Variants in NIPAL1 observed in about 807,000 individuals in gnomAD.
The protein encoded by NIPAL1 is magnesium transporter NIPA3.
In NIPAL1, 35 loss-of-function variants were observed where a neutral mutation model predicts 37.7. The ratio of observed to expected loss-of-function variants is 0.93; its 90% CI spans 0.71 to 1.23. The LOEUF is 1.23. NIPAL1 is among the 50% of genes most tolerant of loss of function. The pLI is 0.00. For missense variants in NIPAL1, 412 were observed against 473.9 expected (o/e 0.87, Z 1.21); for synonymous variants, 162 against 183.0 (o/e 0.89, Z 0.93).
rs2109375229 is a variant in NIPAL1 at position 48,038,314 on chromosome 4, G to A, written c.*2142G>A. 1 of 152,258 alleles carries A rather than the reference G, an allele frequency of 6.6e-6. No homozygotes were observed. The highest frequency in any genetic ancestry group is 1.5e-5 in the Non-Finnish European group (1 of 68,026). 9.4% of individuals were successfully genotyped at this position (152,258 alleles called of 1,614,324 possible). The stretch of plus-strand genomic sequence containing the variant: ...TGTTGATTGCTGTTTCACTTTACTT[G>A]TATATCAGATATATAAGCTATGAAC... On this transcript the variant is annotated 3_prime_UTR_variant, in exon 6 of 6. Coordinates refer to ENST00000295461, the MANE Select transcript of NIPAL1 (RefSeq NM_207330.3).
chr4:48,018,964 T>C (rs1271232202), intron 1 of NIPAL1, among the ~76,000 whole-genome samples: 1 of 152,204 alleles, frequency 6.6e-6, no homozygotes, highest in Non-Finnish European at 1.5e-5. Flanking sequence ...GATCTGAAGA[T>C]AGAACATTCC....
chr4:48,033,307 C>T (rs1715861116), intron 4 of NIPAL1, among the ~76,000 whole-genome samples: 2 of 152,150 alleles, frequency 1.3e-5, no homozygotes, highest in Admixed American at 1.3e-4. Context: ...GAGAACAATA[C>T]TTTTTCTTGC....
intron 3 of NIPAL1, among the ~76,000 whole-genome samples, chr4:48,030,743 G>T (rs1715802950): frequency 6.6e-6 from 1 of 152,182 alleles, no homozygotes; most frequent in Admixed American, 6.5e-5. Context: ...TGTCCAAATA[G>T]AAGGCAGTGT....
In NIPAL1 at chr4:48,016,812, C is replaced by A. The variant is rs752155103; in HGVS notation, c.-28C>A. 1.3e-5 allele frequency: 21 copies of A among 1,556,604 alleles called. No homozygotes were observed. Among genetic ancestry groups the A allele is most frequent in the South Asian group, 1.2e-5 (1 of 85,172 alleles). On this transcript the variant is annotated 5_prime_UTR_variant, in exon 1 of 6. Transcript: ENST00000295461. Reference sequence around the variant, plus strand: ...GAGGCCCAGGTGAGGAGCAAGCGCCCGCGTTCCGGAAGCCCGCTCCCGGGG... The same window carrying A: ...GAGGCCCAGGTGAGGAGCAAGCGCCAGCGTTCCGGAAGCCCGCTCCCGGGG...
intron 1 of NIPAL1, among the ~76,000 whole-genome samples, chr4:48,022,365 A>G (rs924512348): frequency 6.6e-6 from 1 of 152,172 alleles, no homozygotes. Flanking sequence ...CAAGATTTTT[A>G]TTATTTTTCC....
In NIPAL1 at chr4:48,032,344, C is replaced by G. The variant is rs73814648; in HGVS notation, c.371-649C>G. 1.4e-3 allele frequency among the ~76,000 whole-genome samples: 215 copies of G among 152,322 alleles called. 1 individual carries two copies. The highest frequency in any genetic ancestry group is 4.6e-3 in the African/African-American group (191 of 41,566). Reference sequence around the variant, plus strand: ...AGCTCTTGAAGGGATTTCTCTCACTCTAGAAGTTATTTATAGCACACTATA... The same window carrying G: ...AGCTCTTGAAGGGATTTCTCTCACTGTAGAAGTTATTTATAGCACACTATA... On this transcript the variant is annotated intron_variant, in intron 3 of 5. Coordinates refer to ENST00000295461, the MANE Select transcript of NIPAL1 (RefSeq NM_207330.3).
rs761496642 is a variant in NIPAL1 at position 48,035,534 on chromosome 4, A to G, written c.623-28A>G. ...GGTATAATCCTGTGAGCATTTTCTA[A>G]AGTCAAATTCTTTTCTCCTTCTAAC... On this transcript the variant is annotated intron_variant, in intron 5 of 5. Transcript: ENST00000295461. 4.4e-6 allele frequency: 7 copies of G among 1,582,862 alleles called. No individual in the cohort carries two copies. The East Asian group carries it at 1.1e-4, about 25-fold the overall frequency.
chr4:48,023,402 T>C lies in NIPAL1; in HGVS notation c.47-1666T>C, dbSNP rs530743991. ...TGCCAGGGGTACATAGGTCCACTTA[T>C]GGAAGTCTTGTTGCTAAGACATCAT... On this transcript the variant is annotated intron_variant, in intron 1 of 5. Coordinates refer to ENST00000295461, the MANE Select transcript of NIPAL1 (RefSeq NM_207330.3). 9.8e-5 allele frequency among the ~76,000 whole-genome samples: 15 copies of C among 152,332 alleles called. No individual in the cohort carries two copies. In the South Asian group the frequency reaches 2.7e-3, roughly 27 times the overall value.
chr4:48,022,276 A>G lies in NIPAL1; in HGVS notation c.47-2792A>G, dbSNP rs1488935129. On this transcript the variant is annotated intron_variant, in intron 1 of 5. Coordinates refer to ENST00000295461, the MANE Select transcript of NIPAL1 (RefSeq NM_207330.3). ...TAACCCATCCTTTCTTTCCTCTTTC[A>G]GTCATATCTGCTGTAGGCTCTCTCC... Among the ~76,000 whole-genome samples, 5 of 152,178 alleles carry G rather than the reference A, an allele frequency of 3.3e-5. No individual in the cohort carries two copies. In the East Asian group the frequency reaches 9.7e-4, roughly 29 times the overall value.
chr4:48,033,069 G>C lies in NIPAL1; in HGVS notation c.447G>C (p.Leu149Phe). ...CCTTGGTCACCCCTCTGGGTGCTTTGAGTGTTCTCATAAGGTATGTGAGCA... is the reference window on the plus strand; with the variant it reads ...CCTTGGTCACCCCTCTGGGTGCTTTCAGTGTTCTCATAAGGTATGTGAGCA... ...PATLVTPLGA[L>F]SVLISAILSS... The change falls in exon 4 of 6, where the codon TTG becomes TTC. Residue 149 changes from leucine (L) to phenylalanine (F), a missense_variant. Transcript: ENST00000295461. The C allele has an allele frequency of 6.2e-7, 1 of 1,612,226 alleles. No homozygotes were observed. The highest frequency in any genetic ancestry group is 1.1e-5 in the South Asian group (1 of 90,972).
At chr4:48,029,231 T>C (rs1338550067) in intron 2 of NIPAL1, among the ~76,000 whole-genome samples, 3 of 152,126 alleles carry the variant, frequency 2.0e-5, no homozygotes, top group African/African-American at 7.2e-5. Flanking sequence ...CACCATAGAA[T>C]ACTACTTAGC....
chr4:48,030,077 T>G (rs1204334728), intron 2 of NIPAL1, 43 bp from the exon 3 acceptor site: 1 of 1,191,250 alleles, frequency 8.4e-7, no homozygotes, highest in African/African-American at 1.5e-5. Context: ...CTTCCTCCAG[T>G]GTAGAACCCA....
chr4:48,024,423 C>T (rs190623460), intron 1 of NIPAL1, among the ~76,000 whole-genome samples: 142 of 152,158 alleles, frequency 9.3e-4, no homozygotes, highest in African/African-American at 3.1e-3. Flanking sequence ...GGACCACAGA[C>T]GTGCACCACC....
rs1716013635 is a variant in NIPAL1 at position 48,038,839 on chromosome 4, G to C, written c.*2667G>C. On this transcript the variant is annotated 3_prime_UTR_variant, in exon 6 of 6. Coordinates refer to ENST00000295461, the MANE Select transcript of NIPAL1 (RefSeq NM_207330.3). ...AAGGTGTTTGCCCTTGGTACGTTAT[G>C]ACCAGGTCAAAGGTTCCCAAACACA... 1 of 152,090 alleles carries C rather than the reference G, an allele frequency of 6.6e-6. No individual in the cohort carries two copies. Among genetic ancestry groups the C allele is most frequent in the Admixed American group, 6.5e-5 (1 of 15,276 alleles). The allele number at this position is 152,090 out of a possible 1,614,324, so 9.4% of individuals were successfully genotyped here.
Position 48,037,963 on chromosome 4 carries a change from T to C in NIPAL1, c.*1791T>C, listed in dbSNP as rs1184617579. The C allele has an allele frequency of 6.6e-6, 1 of 152,202 alleles. No homozygotes were observed. The highest frequency in any genetic ancestry group is 2.4e-5 in the African/African-American group (1 of 41,458). The allele number at this position is 152,202 out of a possible 1,614,324, so 9.4% of individuals were successfully genotyped here. ...AAAAAATTCAGGTAGACTGAATGTT[T>C]TTCTGCTCTAACCTTAAATGTTATT... On this transcript the variant is annotated 3_prime_UTR_variant, in exon 6 of 6. Coordinates refer to ENST00000295461, the MANE Select transcript of NIPAL1 (RefSeq NM_207330.3).
intron 5 of NIPAL1, 50 bp from the exon 6 acceptor site, chr4:48,035,512 A>G (rs144287529): frequency 5.2e-6 from 8 of 1,546,424 alleles, no homozygotes; most frequent in East Asian, 4.5e-5. Context: ...TCAGAAAGGT[A>G]TAATCCTGTG....
At chr4:48,028,452 A>G (rs774111447) in intron 2 of NIPAL1, among the ~76,000 whole-genome samples, 5 of 152,148 alleles carry the variant, frequency 3.3e-5, no homozygotes, top group Non-Finnish European at 7.4e-5. Context: ...TTAAATGTAA[A>G]ACCTGAAACT....
Position 48,038,254 on chromosome 4 carries a change from TG to T in NIPAL1, c.*2085del, listed in dbSNP as rs1715997185. ...AAATCGATAATCCATGGAAGGTCCA[TG>T]GGTTGATACCTCAGGTCAAAAATGT... On this transcript the variant is annotated 3_prime_UTR_variant, in exon 6 of 6. Transcript: ENST00000295461. 6.6e-6 allele frequency: 1 copy of T among 152,234 alleles called. No homozygotes were observed. The highest frequency in any genetic ancestry group is 2.1e-4 in the South Asian group (1 of 4,836). 9.4% of individuals were successfully genotyped at this position (152,234 alleles called of 1,614,324 possible).
In NIPAL1 at chr4:48,036,170, T is replaced by A; in HGVS notation, c.1231T>A (p.Ter411ArgextTer3). ...TACCTTGTTTAGTAGAACTGATGAC[T>A]GAAGTCTCTAGAAACACTGAGTTTT... is the stretch of plus-strand genomic sequence containing the variant. ...DVTLFSRTDD[*>R] The change falls in exon 6 of 6, where the codon TGA (stop) becomes AGA (arginine). Residue 411 changes from the stop codon to arginine, a stop_lost. Coordinates refer to ENST00000295461, the MANE Select transcript of NIPAL1 (RefSeq NM_207330.3). The A allele has an allele frequency of 6.3e-7, 1 of 1,594,552 alleles. No individual in the cohort carries two copies.
Sources: allele counts gnomAD v4.1 joint callset (sites outside exome capture counted in the v4.1 genomes callset), GRCh38; gene constraint gnomAD v4.1.1; transcripts MANE v1.5; gene names NCBI Gene and HGNC (gene_info 2026-07-23, HGNC 2026-07-21).